ORC3: variants seen among roughly 807,000 people sequenced by gnomAD.
ORC3 encodes homolog of latheo, Drosophila.
Under a neutral mutation model 100.7 loss-of-function variants are expected in ORC3, and 78 were observed. That is an observed-to-expected ratio of 0.77 (90% CI 0.65 to 0.94). ORC3 has a LOEUF of 0.94. Ranked by LOEUF, ORC3 falls within the 40% of genes least tolerant of loss-of-function variation. The probability of loss-of-function intolerance (pLI) is 0.00; values close to 1 mark genes in which losing one functional copy is unlikely to be tolerated. For synonymous variants in ORC3, 295 were observed against 289.3 expected (o/e 1.02, Z -0.20); for missense variants, 789 against 823.9 (o/e 0.96, Z 0.52).
downstream of ORC3, among the ~76,000 whole-genome samples, chr6:87,671,410 G>C (rs753221172): frequency 2.0e-5 from 3 of 152,070 alleles, no homozygotes; most frequent in African/African-American, 4.8e-5. Context: ...GATTGAGGAT[G>C]ACTGAGAGGA....
the ORC3 span, among the ~76,000 whole-genome samples, chr6:87,676,807 T>C: frequency 5.4e-5 from 8 of 147,974 alleles, no homozygotes; most frequent in African/African-American, 2.0e-4. Flanking sequence ...CCGGGCATGG[T>C]GGCTTACGCC....
the ORC3 span, among the ~76,000 whole-genome samples, chr6:87,674,816 A>T: frequency 1.3e-5 from 2 of 151,800 alleles, no homozygotes; most frequent in East Asian, 3.9e-4. Context: ...TTGAAACAGC[A>T]CTCAAATCTT....
At position 87,667,018 on chromosome 6, in the gene ORC3, TGCTCGG is replaced by T; in HGVS notation, c.2032_2037del (p.Ala678_Arg679del). 1.9e-6 allele frequency: 3 copies of T among 1,597,788 alleles called. No homozygotes were observed. The highest frequency in any genetic ancestry group is 2.6e-6 in the Non-Finnish European group (3 of 1,171,488). On this transcript the variant is annotated inframe_deletion and splice_region_variant, in exon 20 of 20. Coordinates refer to ENST00000392844, the MANE Select transcript of ORC3 (RefSeq NM_012381.4). Reference sequence around the variant, plus strand: ...CAGTTTCCTTAATTAAAGCCTCCAGTGCTCGGTTTATTAGAGCTGTTTCTGAACTAG... The same window carrying T: ...CAGTTTCCTTAATTAAAGCCTCCAGTTTTATTAGAGCTGTTTCTGAACTAG...
intron 2 of ORC3, among the ~76,000 whole-genome samples, chr6:87,599,861 T>A (rs1260714196): frequency 6.6e-6 from 1 of 152,114 alleles, no homozygotes; most frequent in Non-Finnish European, 1.5e-5. Flanking sequence ...TAGTCCCAGC[T>A]ACTCGGGAGG....
intron 1 of ORC3, among the ~76,000 whole-genome samples, chr6:87,591,881 C>A (rs1009207251): frequency 2.0e-5 from 3 of 152,028 alleles, no homozygotes; most frequent in Non-Finnish European, 4.4e-5. Context: ...ACAGACATGC[C>A]CCACTACACC....
At position 87,601,638 on chromosome 6, in the gene ORC3, C is replaced by T. The variant is rs563386876; in HGVS notation, c.80-146C>T. 839 of 587,072 alleles carry T rather than the reference C, an allele frequency of 1.4e-3. 2 individuals carry two copies. Among genetic ancestry groups the T allele is most frequent in the Non-Finnish European group, 2.2e-3 (709 of 323,052 alleles). 36.4% of individuals were successfully genotyped at this position (587,072 alleles called of 1,614,324 possible). A position where few individuals can be genotyped will look rare whatever the true frequency, so the allele number is the denominator to read the frequency against. Reference sequence around the variant, plus strand: ...ACTGAGCCAACATCATGCCACTGCACTCCAGCCTGGGTGACAGAGTGAGAC... The same window carrying T: ...ACTGAGCCAACATCATGCCACTGCATTCCAGCCTGGGTGACAGAGTGAGAC... On this transcript the variant is annotated intron_variant, in intron 2 of 19. Transcript: ENST00000392844.
intron 2 of ORC3, chr6:87,594,613 G>A (rs1465958164): frequency 8.2e-7 from 1 of 1,213,320 alleles, no homozygotes; most frequent in Non-Finnish European, 1.0e-6. Context: ...ACCTTCCAAA[G>A]GTAAGTTGGA....
In ORC3 at chr6:87,609,219, A is replaced by C. The variant is rs1778569100; in HGVS notation, c.703A>C (p.Ile235Leu). The C allele has an allele frequency of 1.9e-6, 3 of 1,594,128 alleles. No homozygotes were observed. The highest frequency in any genetic ancestry group is 2.6e-6 in the Non-Finnish European group (3 of 1,174,160). ...CACAAAAGTACTACAAGACTTCATA[A>C]TTATCAGCAGGTAGATGGTGTATTA... ...FATKVLQDFI[I>L]ISSQHLHEFP... Residue 235 changes from isoleucine (I) to leucine (L), a missense_variant, in exon 7 of 20, where the codon ATT (isoleucine) becomes CTT (leucine). Ile to Leu is a conservative substitution (Grantham distance 5, BLOSUM62 2). This residue lies in a region of ORC3 where 399 missense variants were observed against 382.0 expected (regional missense o/e 1.04). Coordinates refer to ENST00000392844, the MANE Select transcript of ORC3 (RefSeq NM_012381.4).
At chr6:87,649,613 G>A (rs1225405950) in intron 13 of ORC3, among the ~76,000 whole-genome samples, 1 of 152,162 alleles carries the variant, frequency 6.6e-6, no homozygotes, top group Non-Finnish European at 1.5e-5. Context: ...CGGCGTGGCA[G>A]TGCATGCCTG....
chr6:87,663,217 T>C, intron 17 of ORC3, 73 bp downstream of exon 17: 1 of 1,183,948 alleles, frequency 8.4e-7, no homozygotes, highest in Non-Finnish European at 1.2e-6. Context: ...ATATACTAAA[T>C]TTGCAGTTAT....
the ORC3 span, among the ~76,000 whole-genome samples, chr6:87,676,887 T>C: frequency 6.6e-6 from 1 of 150,942 alleles, no homozygotes; most frequent in Non-Finnish European, 1.5e-5. Context: ...CCATCCTGGC[T>C]AACACGGTGA....
chr6:87,609,416 G>C (rs1778585298), intron 7 of ORC3, 187 bp downstream of exon 7: 1 of 479,016 alleles, frequency 2.1e-6, no homozygotes, highest in Non-Finnish European at 3.6e-6. Flanking sequence ...CCAAGAATGA[G>C]AATCAAAGGC....
chr6:87,601,906 C>T (rs1288027296), intron 3 of ORC3, 25 bp downstream of exon 3: 1 of 1,251,256 alleles, frequency 8.0e-7, no homozygotes, highest in South Asian at 1.2e-5. Context: ...TAATAATTTT[C>T]TGTAACACCC....
chr6:87,622,760 C>T (rs1554244702), intron 11 of ORC3, among the ~76,000 whole-genome samples: 1 of 152,066 alleles, frequency 6.6e-6, no homozygotes, highest in Non-Finnish European at 1.5e-5. Flanking sequence ...TATATTTTGG[C>T]AGTTGCTGCC....
chr6:87,627,038 C>T (rs1413143498), intron 11 of ORC3, among the ~76,000 whole-genome samples: 2 of 151,120 alleles, frequency 1.3e-5, no homozygotes, highest in Non-Finnish European at 2.9e-5. Context: ...GTTCTTGTTG[C>T]CCAGGGTGGA....
chr6:87,623,340 C>G (rs1779661127), intron 11 of ORC3, among the ~76,000 whole-genome samples: 1 of 152,194 alleles, frequency 6.6e-6, no homozygotes, highest in Non-Finnish European at 1.5e-5. Flanking sequence ...AGGAGGTTCT[C>G]AGACCTCCAT....
intron 16 of ORC3, among the ~76,000 whole-genome samples, chr6:87,659,589 C>T (rs1220812960): frequency 6.6e-6 from 1 of 151,820 alleles, no homozygotes; most frequent in Non-Finnish European, 1.5e-5. Context: ...AGGTCCAAAA[C>T]GATCAACCAA....
downstream of ORC3, among the ~76,000 whole-genome samples, chr6:87,668,479 A>G (rs374179050): frequency 1.4e-4 from 21 of 152,320 alleles, no homozygotes; most frequent in East Asian, 3.1e-3. Context: ...CAGTACGCAA[A>G]AAGTTTCAGA....
intron 13 of ORC3, among the ~76,000 whole-genome samples, chr6:87,642,902 A>T (rs1193529545): frequency 6.6e-6 from 1 of 150,970 alleles, no homozygotes; most frequent in Non-Finnish European, 1.5e-5. Context: ...ACTCTGTCTC[A>T]AAAAAGATAA....
Sources: allele counts gnomAD v4.1 joint callset (sites outside exome capture counted in the v4.1 genomes callset), GRCh38; gene constraint gnomAD v4.1.1; regional missense constraint gnomAD v4.1.1; transcripts MANE v1.5; gene names NCBI Gene and HGNC (gene_info 2026-07-23, HGNC 2026-07-21).